The following BTBD18 variants were observed in gnomAD, a reference collection of about 807,000 sequenced individuals.
BTBD18 encodes BTB domain containing 18, also known as BTB/POZ domain-containing protein 18.
For synonymous variants in BTBD18, 311 were observed against 324.4 expected, an observed-to-expected ratio of 0.96 and a Z score of 0.44; for missense variants, 787 against 846.3, an observed-to-expected ratio of 0.93 and a Z score of 0.87.
rs1949144700 is a variant in BTBD18, at chr11:57,744,098, C to A, written c.*36G>T. On this transcript the variant is annotated 3_prime_UTR_variant, in exon 3 of 3. Transcript: ENST00000422652. ...GCCTTTTGCTAGCTAACATTTCCCA[C>A]CCTCCCAAGGCCCCTAACCTGCCCT... 6 of 1,328,558 alleles carry A rather than the reference C, an allele frequency of 4.5e-6. No homozygotes were observed. The highest frequency in any genetic ancestry group is 5.2e-6 in the Non-Finnish European group (5 of 968,374). 82.3% of individuals were successfully genotyped at this position (1,328,558 alleles called of 1,614,324 possible).
chr11:57,748,102 T>G (rs1014192761), intron 2 of BTBD18, among the ~76,000 whole-genome samples: 26 of 152,088 alleles, frequency 1.7e-4, no homozygotes, highest in Admixed American at 5.9e-4. Context: ...GTTTTTATTT[T>G]TTAGAGACAA....
rs1375803163 is a variant in BTBD18 at position 57,744,953 on chromosome 11, T to C, written c.1320A>G (p.Pro440=). 6.4e-7 allele frequency: 1 copy of C among 1,551,608 alleles called. No homozygotes were observed. The highest frequency in any genetic ancestry group is 8.7e-7 in the Non-Finnish European group (1 of 1,146,936). The change falls in exon 3 of 3, where the codon CCA becomes CCG. Residue 440 remains proline, a synonymous_variant. Coordinates refer to ENST00000422652, the MANE Select transcript of BTBD18 (RefSeq NM_001145101.3). Reference sequence around the variant, plus strand: ...TGGACTCAAACTCTGACTTCACCACTGGGTGGTCTGGGGAGTGGCTAGCAG... The same window carrying C: ...TGGACTCAAACTCTGACTTCACCACCGGGTGGTCTGGGGAGTGGCTAGCAG... ...LVSASHSPDH[P]VVKSEFESSP... is the part of the protein sequence containing the mutation.
Position 57,744,870 on chromosome 11 carries a change from G to C in BTBD18, c.1403C>G (p.Ala468Gly). The stretch of plus-strand genomic sequence containing the variant: ...CTGCTCCAGCAGAGCTGTGTCAAAT[G>C]CATAGGGTTCTCTGCAGTCAATAGC... ...MLAIDCREPY[A>G]FDTALLEQPC... The change falls in exon 3 of 3, where the codon GCA becomes GGA. Residue 468 changes from alanine (A) to glycine (G), a missense_variant. Physicochemically the swap from Ala to Gly is moderately conservative, Grantham distance 60 (BLOSUM62 0). Transcript: ENST00000422652. 6.4e-7 allele frequency: 1 copy of C among 1,551,728 alleles called. No individual in the cohort carries two copies. The highest frequency in any genetic ancestry group is 2.4e-5 in the East Asian group (1 of 40,926).
chr11:57,746,378 G>A (rs1470657093), intron 2 of BTBD18, among the ~76,000 whole-genome samples: 1 of 149,310 alleles, frequency 6.7e-6, no homozygotes, highest in African/African-American at 2.5e-5. Flanking sequence ...TGCCCAGGCT[G>A]GAGTGCAGTG....
At position 57,744,408 on chromosome 11, in the gene BTBD18, G is replaced by C. The variant is rs1949149686; in HGVS notation, c.1865C>G (p.Ser622Cys). ...GCAGGGAGGTGAGAGGTCCCCATAA[G>C]ACCTCTGGGGAGTATCAAGGGAGCT... ...HVSSLDTPQR[S>C]YGDLSPPCSN... Residue 622 changes from serine to cysteine, a missense_variant, in exon 3 of 3, where the codon TCT becomes TGT. Ser to Cys is a moderately radical substitution (Grantham distance 112). Transcript: ENST00000422652. 6.4e-7 allele frequency: 1 copy of C among 1,551,560 alleles called. No individual in the cohort carries two copies.
rs1414769616 is a variant in BTBD18 at position 57,745,735 on chromosome 11, T to G, written c.538A>C (p.Arg180=). 6.4e-7 allele frequency: 1 copy of G among 1,551,682 alleles called. No homozygotes were observed. The highest frequency in any genetic ancestry group is 8.7e-7 in the Non-Finnish European group (1 of 1,146,964). The change falls in exon 3 of 3, where the codon AGA becomes CGA. Residue 180 remains arginine, a synonymous_variant. Coordinates refer to ENST00000422652, the MANE Select transcript of BTBD18 (RefSeq NM_001145101.3). ...NQTPCPLGAI[R]LKSLGKEEGP... ...TCTTCCTTCCCCAAGGACTTCAATC[T>G]TATTGCCCCAAGAGGACAAGGAGTT...
At chr11:57,748,035 A>G (rs1428139563) in intron 2 of BTBD18, among the ~76,000 whole-genome samples, 1 of 152,088 alleles carries the variant, frequency 6.6e-6, no homozygotes, top group Non-Finnish European at 1.5e-5. Context: ...CTCCTGGGCT[A>G]AAACAATCTG....
rs1303347637 is a variant in BTBD18, at chr11:57,744,554, G to C, written c.1719C>G (p.Ser573Arg). The C allele has an allele frequency of 1.9e-6, 3 of 1,551,546 alleles. No homozygotes were observed. In the African/African-American group the frequency reaches 4.1e-5, roughly 21 times the overall value. ...GENRGPTELL[S>R]PLVMPSEVSE... is the part of the protein sequence containing the mutation. ...TCACCTCAGAGGGCATGACAAGGGG[G>C]CTAAGGAGCTCAGTTGGCCCTCTGT... Residue 573 changes from serine (S) to arginine (R), a missense_variant, in exon 3 of 3, where the codon AGC becomes AGG. Transcript: ENST00000422652.
rs1486450336 is a variant in BTBD18 at position 57,744,617 on chromosome 11, C to G, written c.1656G>C (p.Arg552Ser). ...GTTCCTTTTCCAATTCTGTGAGCTCCCTGGGCCAGAGTTCCATGTCTGGTA... is the reference window on the plus strand; with the variant it reads ...GTTCCTTTTCCAATTCTGTGAGCTCGCTGGGCCAGAGTTCCATGTCTGGTA... ...WCLPDMELWP[R>S]ELTELEKEPA... is the part of the protein sequence containing the mutation. The change falls in exon 3 of 3, where the codon AGG becomes AGC. Residue 552 changes from arginine (R) to serine (S), a missense_variant. Transcript: ENST00000422652. 3 of 1,551,644 alleles carry G rather than the reference C, an allele frequency of 1.9e-6. No homozygotes were observed. The highest frequency in any genetic ancestry group is 2.6e-6 in the Non-Finnish European group (3 of 1,146,988).
At position 57,744,402 on chromosome 11, in the gene BTBD18, C is replaced by G. The variant is rs1335088170; in HGVS notation, c.1871G>C (p.Gly624Ala). Residue 624 changes from glycine to alanine, a missense_variant, in exon 3 of 3, where the codon GGG (glycine) becomes GCG (alanine). By Grantham distance (60) the Gly-to-Ala change is moderately conservative (BLOSUM62 0). Coordinates refer to ENST00000422652, the MANE Select transcript of BTBD18 (RefSeq NM_001145101.3). ...SSLDTPQRSY[G>A]DLSPPCSNWV... ...GTTTGAGCAGGGAGGTGAGAGGTCCCCATAAGACCTCTGGGGAGTATCAAG... is the reference window on the plus strand; with the variant it reads ...GTTTGAGCAGGGAGGTGAGAGGTCCGCATAAGACCTCTGGGGAGTATCAAG... 2 of 1,551,638 alleles carry G rather than the reference C, an allele frequency of 1.3e-6. No homozygotes were observed. Among genetic ancestry groups the G allele is most frequent in the Non-Finnish European group, 1.7e-6 (2 of 1,146,956 alleles).
Position 57,744,740 on chromosome 11 carries a change from T to C in BTBD18, c.1533A>G (p.Ile511Met), listed in dbSNP as rs1429821966. ...MLCGSDIEPPIGSLESPGAEG... is the reference protein window; with the variant it reads ...MLCGSDIEPPMGSLESPGAEG... ...CAGCCCCTGGACTCTCCAGAGACCC[T>C]ATAGGTGGTTCAATGTCTGAGCCAC... Residue 511 changes from isoleucine to methionine, a missense_variant, in exon 3 of 3, where the codon ATA becomes ATG. By Grantham distance (10) the Ile-to-Met change is conservative (BLOSUM62 1). Coordinates refer to ENST00000422652, the MANE Select transcript of BTBD18 (RefSeq NM_001145101.3). The C allele has an allele frequency of 6.4e-7, 1 of 1,551,210 alleles. No homozygotes were observed. The highest frequency in any genetic ancestry group is 8.7e-7 in the Non-Finnish European group (1 of 1,146,980).
At chr11:57,746,219 T>C (rs1949185382) in intron 2 of BTBD18, 71 bp from the exon 3 acceptor site, 14 of 1,143,204 alleles carry the variant, frequency 1.2e-5, no homozygotes, top group Non-Finnish European at 1.6e-5. Flanking sequence ...TAGACATTAC[T>C]ACCCAAATGT....
chr11:57,749,745 C>A (rs1483460243), intron 2 of BTBD18, among the ~76,000 whole-genome samples: 10 of 62,962 alleles, frequency 1.6e-4, no homozygotes, highest in African/African-American at 3.2e-4. Flanking sequence ...GCAAGAATCT[C>A]AAAAAAAAAA....
At chr11:57,746,244 T>C (rs1949187912) in intron 2 of BTBD18, 96 bp from the exon 3 acceptor site, 1 of 973,682 alleles carries the variant, frequency 1.0e-6, no homozygotes, top group South Asian at 2.0e-5. Flanking sequence ...CCCCTTCTTT[T>C]ATTTTCCTTC....
chr11:57,750,142 C>T (rs1355363910), intron 2 of BTBD18, among the ~76,000 whole-genome samples: 1 of 152,122 alleles, frequency 6.6e-6, no homozygotes, highest in African/African-American at 2.4e-5. Context: ...CTTTGGGAGG[C>T]TGAGGCAGGT....
At position 57,745,106 on chromosome 11, in the gene BTBD18, G is replaced by A. The variant is rs1317616984; in HGVS notation, c.1167C>T (p.Pro389=). 1.4e-5 allele frequency: 21 copies of A among 1,551,522 alleles called. No homozygotes were observed. The highest frequency in any genetic ancestry group is 5.5e-5 in the African/African-American group (4 of 73,034). Residue 389 remains proline (P), a synonymous_variant, in exon 3 of 3, where the codon CCC becomes CCT. Coordinates refer to ENST00000422652, the MANE Select transcript of BTBD18 (RefSeq NM_001145101.3). ...CTGAAGGCTCTTGGAAGTCTCCTCC[G>A]GGATCTGGGATCTGGGGGCTATCTT... The part of the protein sequence containing the change: ...NTQDSPQIPD[P]GGDFQEPSGT...
chr11:57,744,138 G>T lies in BTBD18; in HGVS notation c.2135C>A (p.Thr712Lys). The change falls in exon 3 of 3, where the codon ACA becomes AAA. Residue 712 changes from threonine (T) to lysine (K), a missense_variant. Transcript: ENST00000422652. The stretch of plus-strand genomic sequence containing the variant: ...TAACCTGCCCTCCCCTCTCCACTAT[G>T]TTAGTATATCTACCTCTGTTTCTGA... ...SESETEVDIL[T>K] is the part of the protein sequence containing the mutation. 6.7e-7 allele frequency: 1 copy of T among 1,503,018 alleles called. No individual in the cohort carries two copies. The highest frequency in any genetic ancestry group is 9.0e-7 in the Non-Finnish European group (1 of 1,105,896). 93.1% of individuals were successfully genotyped at this position (1,503,018 alleles called of 1,614,324 possible).
At position 57,743,984 on chromosome 11, in the gene BTBD18, G is replaced by T; in HGVS notation, c.*150C>A. On this transcript the variant is annotated 3_prime_UTR_variant, in exon 3 of 3. Coordinates refer to ENST00000422652, the MANE Select transcript of BTBD18 (RefSeq NM_001145101.3). ...CCCTTGGCTTCTGCCTGGCTTCTGA[G>T]GCTTAGGGAAGGGAGGAAGGGACCT... 1.7e-6 allele frequency: 1 copy of T among 588,958 alleles called. No individual in the cohort carries two copies. Among genetic ancestry groups the T allele is most frequent in the Non-Finnish European group, 3.0e-6 (1 of 332,512 alleles). 36.5% of individuals were successfully genotyped at this position (588,958 alleles called of 1,614,324 possible). A position where few individuals can be genotyped will look rare whatever the true frequency, so the allele number is the denominator to read the frequency against.
Position 57,745,206 on chromosome 11 carries a change from C to T in BTBD18, c.1067G>A (p.Gly356Glu). Residue 356 changes from glycine (G) to glutamate (E), a missense_variant, in exon 3 of 3, where the codon GGG (glycine) becomes GAG (glutamate). Gly to Glu is a moderately conservative substitution (Grantham distance 98). Transcript: ENST00000422652. ...NSDSAEEGQV[G>E]RVKLRKIVNG... is the part of the protein sequence containing the mutation. ...GACAATCTTCCTAAGTTTAACTCTCCCAACCTGCCCCTCCTCTGCAGAGTC... is the reference window on the plus strand; with the variant it reads ...GACAATCTTCCTAAGTTTAACTCTCTCAACCTGCCCCTCCTCTGCAGAGTC... The T allele has an allele frequency of 6.4e-7, 1 of 1,551,676 alleles. No individual in the cohort carries two copies. Among genetic ancestry groups the T allele is most frequent in the Non-Finnish European group, 8.7e-7 (1 of 1,147,000 alleles).
Sources: gnomAD v4.1 joint callset for allele counts (sites outside exome capture counted in the v4.1 genomes callset) on GRCh38, gnomAD v4.1.1 for gene constraint, MANE v1.5 for transcripts, NCBI Gene and HGNC (gene_info 2026-07-23, HGNC 2026-07-21) for gene names.